Variants in IFT74 observed in about 807,000 individuals in gnomAD.
IFT74 encodes the protein intraflagellar transport 74, also known as intraflagellar transport protein 74 homolog.
Under a neutral mutation model 96.7 loss-of-function variants are expected in IFT74, and 92 were observed. The ratio of observed to expected loss-of-function variants is 0.95; its 90% CI spans 0.80 to 1.13. The LOEUF (loss-of-function observed/expected upper bound fraction) is 1.13. IFT74 is among the 50% of genes most tolerant of loss of function. The pLI is 0.00. For synonymous variants in IFT74, 223 were observed against 213.2 expected, an observed-to-expected ratio of 1.05 and a Z score of -0.40; for missense variants, 811 against 698.2, an observed-to-expected ratio of 1.16 and a Z score of -1.82.
intron 8 of IFT74, among the ~76,000 whole-genome samples, chr9:26,997,168 C>T (rs538160332): frequency 1.2e-4 from 18 of 151,018 alleles, no homozygotes; most frequent in South Asian, 8.4e-4. Context: ...GCTGAGATCA[C>T]GCCAATGCAT....
Position 27,012,457 on chromosome 9 carries a change from A to G in IFT74, c.789+489A>G, listed in dbSNP as rs577600354. Among the ~76,000 whole-genome samples the G allele has an allele frequency of 1.3e-4, 20 of 152,098 alleles. No homozygotes were observed. In the East Asian group the frequency reaches 1.6e-3, roughly 12 times the overall value. Reference sequence around the variant, plus strand: ...GATGTACAGCTCCTGGCCTCAAGCAATGCTCCTGCCTTGGCTTCCCAATGT... The same window carrying G: ...GATGTACAGCTCCTGGCCTCAAGCAGTGCTCCTGCCTTGGCTTCCCAATGT... On this transcript the variant is annotated intron_variant, in intron 10 of 19. Transcript: ENST00000380062.
At chr9:26,988,596 A>G (rs970426505) in intron 6 of IFT74, 73 bp from the exon 7 acceptor site, 16 of 1,283,368 alleles carry the variant, frequency 1.2e-5, no homozygotes, top group Admixed American at 2.8e-5. Context: ...CTGAATACCT[A>G]TATTATTAAT....
chr9:26,949,347 A>G (rs948198601), intron 1 of IFT74, among the ~76,000 whole-genome samples: 1 of 152,178 alleles, frequency 6.6e-6, no homozygotes, highest in African/African-American at 2.4e-5. Context: ...TTAGGTTGAG[A>G]TAGTTCCAGC....
intron 11 of IFT74, 72 bp downstream of exon 11, chr9:27,017,122 G>C: frequency 8.1e-7 from 1 of 1,235,730 alleles, no homozygotes; most frequent in Non-Finnish European, 1.1e-6. Flanking sequence ...TTTTTTAAAG[G>C]GATATTAATG....
At chr9:26,990,109 T>C (rs1827800401) in intron 7 of IFT74, 25 bp from the exon 8 acceptor site, 2 of 1,433,598 alleles carry the variant, frequency 1.4e-6, no homozygotes, top group Non-Finnish European at 1.9e-6. Flanking sequence ...TATTTCTTAC[T>C]AACTTATGTG....
intron 1 of IFT74, among the ~76,000 whole-genome samples, chr9:26,961,733 A>G (rs1369558971): frequency 1.3e-5 from 2 of 152,184 alleles, no homozygotes; most frequent in African/African-American, 2.4e-5. Flanking sequence ...TTTTGGTAAG[A>G]TAATAGAAAG....
In IFT74 at chr9:26,980,506, C is replaced by T. The variant is rs1827323826; in HGVS notation, c.257-65C>T. ...ATTGTGGAGTGTAATTCTGATTGTG[C>T]TTTGGATTTGCTATTCTGGTGGCAT... On this transcript the variant is annotated intron_variant, in intron 3 of 19. Transcript: ENST00000380062. 4 of 946,570 alleles carry T rather than the reference C, an allele frequency of 4.2e-6. No homozygotes were observed. The East Asian group carries it at 9.6e-5, about 23-fold the overall frequency. 58.6% of individuals were successfully genotyped at this position (946,570 alleles called of 1,614,324 possible).
chr9:27,062,880 A>G lies in IFT74; in HGVS notation c.*144A>G, dbSNP rs375746055. The G allele has an allele frequency of 2.9e-5, 17 of 580,640 alleles. No individual in the cohort carries two copies. The highest frequency in any genetic ancestry group is 2.8e-4 in the African/African-American group (14 of 50,242). The allele number at this position is 580,640 out of a possible 1,614,324, so 36.0% of individuals were successfully genotyped here. ...ATAATTTTTGTGGCCTCTTTTAAGA[A>G]TGATATTTTAAAATAGTAAATAGTT... On this transcript the variant is annotated 3_prime_UTR_variant, in exon 20 of 20. Coordinates refer to ENST00000380062, the MANE Select transcript of IFT74 (RefSeq NM_025103.4).
rs569143608 is a variant in IFT74, at chr9:27,008,901, A to G, written c.588-119A>G. The G allele has an allele frequency of 2.7e-4, 212 of 774,242 alleles. No individual in the cohort carries two copies. In the African/African-American group the frequency reaches 3.4e-3, roughly 12 times the overall value. 48.0% of individuals were successfully genotyped at this position (774,242 alleles called of 1,614,324 possible). A position where few individuals can be genotyped will look rare whatever the true frequency, so the allele number is the denominator to read the frequency against. ...GTACAAATATAAAGACTTTTCAGTC[A>G]CACACTGTGGTTGAATGTCTTTAAG... On this transcript the variant is annotated intron_variant, in intron 8 of 19. Coordinates refer to ENST00000380062, the MANE Select transcript of IFT74 (RefSeq NM_025103.4).
intron 10 of IFT74, among the ~76,000 whole-genome samples, chr9:27,015,115 T>G (rs890341907): frequency 6.6e-5 from 10 of 152,202 alleles, no homozygotes; most frequent in Non-Finnish European, 1.5e-5. Context: ...CAAGATGAAA[T>G]TCAAACAAAT....
At chr9:26,997,083 A>C (rs1056696056) in intron 8 of IFT74, among the ~76,000 whole-genome samples, 1 of 151,796 alleles carries the variant, frequency 6.6e-6, no homozygotes, top group Non-Finnish European at 1.5e-5. Context: ...GTGGTGGCTC[A>C]TGACTGTAAT....
At chr9:26,992,336 A>G (rs986801913) in intron 8 of IFT74, among the ~76,000 whole-genome samples, 6 of 152,128 alleles carry the variant, frequency 3.9e-5, no homozygotes, top group Admixed American at 1.3e-4. Flanking sequence ...CTCTGTCTGT[A>G]ATTTGTAATT....
chr9:27,060,713 C>T (rs1339613866), intron 19 of IFT74, 62 bp downstream of exon 19: 11 of 1,203,854 alleles, frequency 9.1e-6, no homozygotes, highest in Non-Finnish European at 1.3e-5. Flanking sequence ...AGTCCCAACA[C>T]TTTGGGAGGC....
intron 11 of IFT74, among the ~76,000 whole-genome samples, chr9:27,017,997 C>G (rs1829426638): frequency 6.6e-6 from 1 of 152,094 alleles, no homozygotes; most frequent in South Asian, 2.1e-4. Context: ...AATTCAGGGA[C>G]TATTTAATTA....
chr9:26,992,662 C>T (rs1378198394), intron 8 of IFT74, among the ~76,000 whole-genome samples: 1 of 151,748 alleles, frequency 6.6e-6, no homozygotes, highest in East Asian at 1.9e-4. Flanking sequence ...CACTACACTC[C>T]AGCCTGGGTG....
At chr9:26,970,596 CA>C (rs1354550613) in intron 2 of IFT74, among the ~76,000 whole-genome samples, 1 of 152,192 alleles carries the variant, frequency 6.6e-6, no homozygotes, top group Non-Finnish European at 1.5e-5. Context: ...GTAGGTCTCA[CA>C]GTTATGCTTG....
At chr9:26,952,101 T>G, upstream of IFT74, among the ~76,000 whole-genome samples, 1 of 152,120 alleles carries the variant, frequency 6.6e-6, no homozygotes, top group East Asian at 1.9e-4. Flanking sequence ...TTAGTAAGCG[T>G]TTTTCTTGGC....
At chr9:27,006,831 G>GTTTTTTTTTTTT (rs35534656) in intron 8 of IFT74, among the ~76,000 whole-genome samples, 1 of 64,342 alleles carries the variant, frequency 1.6e-5, no homozygotes, top group Non-Finnish European at 2.9e-5. Context: ...ATTATTGTGT[G>GTTTTTTTTTTTT]TTTTTTTTTT....
intron 12 of IFT74, among the ~76,000 whole-genome samples, chr9:27,025,185 C>CT (rs994573117): frequency 6.6e-6 from 1 of 151,998 alleles, no homozygotes; most frequent in African/African-American, 2.4e-5. Flanking sequence ...TGGCTCACAC[C>CT]TGTAATCCCA....
Sources: gnomAD v4.1 joint callset for allele counts (sites outside exome capture counted in the v4.1 genomes callset) on GRCh38, gnomAD v4.1.1 for gene constraint, MANE v1.5 for transcripts, NCBI Gene and HGNC (gene_info 2026-07-23, HGNC 2026-07-21) for gene names.